Variants in SV2B observed in about 807,000 individuals in gnomAD.
SV2B encodes solute carrier family 22 member B2.
In SV2B, 41 loss-of-function variants were observed where a neutral mutation model predicts 73.9. The ratio of observed to expected loss-of-function variants is 0.56; its 90% CI spans 0.43 to 0.72. The LOEUF is 0.72. Ranked by LOEUF, SV2B falls within the 30% of genes least tolerant of loss-of-function variation. The pLI, the probability that SV2B is intolerant of heterozygous loss-of-function variation, is 0.00. For missense variants in SV2B, 764 were observed against 857.8 expected (o/e 0.89, Z 1.37); for synonymous variants, 314 against 314.2 (o/e 1.00, Z 0.01).
chr15:91,135,702 G>A (rs769232204), intron 1 of SV2B, among the ~76,000 whole-genome samples: 4 of 152,188 alleles, frequency 2.6e-5, no homozygotes, highest in Admixed American at 6.5e-5. Flanking sequence ...TTACTGAGCC[G>A]TTACTGTGTT....
chr15:91,158,637 TTCTCTTCTCTTCTCTTCTC>T (rs1567300372), intron 1 of SV2B, among the ~76,000 whole-genome samples: 1,165 of 38,676 alleles, frequency 0.03, 253 homozygotes, highest in African/African-American at 0.09. Context: ...ATTTTCCCTC[TTCTCTTCTCTTCTCTTCTC>T]TTCTCTTCTC....
At chr15:91,226,817 C>A (rs1158381721) in intron 2 of SV2B, 103 bp downstream of exon 2, 2 of 1,366,706 alleles carry the variant, frequency 1.5e-6, no homozygotes, top group African/African-American at 1.5e-5. Flanking sequence ...CACAATGTAC[C>A]CATTTTGCTG....
intron 1 of SV2B, among the ~76,000 whole-genome samples, chr15:91,198,450 C>CGTGTGTGTGT (rs1225238820): frequency 3.1e-5 from 3 of 97,508 alleles, no homozygotes; most frequent in African/African-American, 4.8e-5. Context: ...CCAAGAAGCA[C>CGTGTGTGTGT]GTGTATGTGT....
chr15:91,133,759 G>GCTT (rs368917491), intron 1 of SV2B, among the ~76,000 whole-genome samples: 1 of 152,198 alleles, frequency 6.6e-6, no homozygotes, highest in African/African-American at 2.4e-5. Flanking sequence ...TTTGACTGGG[G>GCTT]CTTCTTCTGA....
intron 1 of SV2B, among the ~76,000 whole-genome samples, chr15:91,142,786 T>TTAA (rs1266464012): frequency 6.6e-6 from 1 of 152,258 alleles, no homozygotes; most frequent in Non-Finnish European, 1.5e-5. Flanking sequence ...CATTGTATTC[T>TTAA]TAATCACTTA....
rs140531278 is a variant in SV2B, at chr15:91,170,633, G to T, written c.-391-55240G>T. 1.5e-3 allele frequency among the ~76,000 whole-genome samples: 225 copies of T among 152,280 alleles called. 1 individual carries two copies. Among genetic ancestry groups the T allele is most frequent in the African/African-American group, 5.1e-3 (214 of 41,570 alleles). On this transcript the variant is annotated intron_variant, in intron 1 of 12. Transcript: ENST00000394232. ...TTAAAAAGAACATTATACAAACTTG[G>T]TTTAAAAATACATTAAAAATATCTG...
At position 91,276,005 on chromosome 15, in the gene SV2B, T is replaced by G. The variant is rs763184057; in HGVS notation, c.1374-5723T>G. Among the ~76,000 whole-genome samples the G allele has an allele frequency of 2.0e-5, 3 of 152,040 alleles. No individual in the cohort carries two copies. The East Asian group carries it at 5.8e-4, about 29-fold the overall frequency. On this transcript the variant is annotated intron_variant, in intron 9 of 12. Coordinates refer to ENST00000394232, the MANE Select transcript of SV2B (RefSeq NM_001323032.3). ...TCTCAGTATTTGTTTGTCTGATGGA[T>G]CTGTTTCTTCTCTTCAATTTTGAAA...
rs2042855175 is a variant in SV2B, at chr15:91,137,156, A to G, written c.-392+36793A>G. On this transcript the variant is annotated intron_variant, in intron 1 of 12. Coordinates refer to ENST00000394232, the MANE Select transcript of SV2B (RefSeq NM_001323032.3). This position sits in a 1 kb window ranked among gnomAD's most constrained non-coding sequence, Gnocchi z 4.9. ...AGAGGGCCAGGTCACATAACCTCCAAATCCCATGTATTTTTTCATGGTTGT... is the reference window on the plus strand; with the variant it reads ...AGAGGGCCAGGTCACATAACCTCCAGATCCCATGTATTTTTTCATGGTTGT... 3.3e-5 allele frequency among the ~76,000 whole-genome samples: 5 copies of G among 152,216 alleles called. No individual in the cohort carries two copies. The South Asian group carries it at 1.0e-3, about 32-fold the overall frequency.
rs1476288923 is a variant in SV2B at position 91,242,304 on chromosome 15, T to C, written c.452-9515T>C. On this transcript the variant is annotated intron_variant, in intron 2 of 12. Transcript: ENST00000394232. This position sits in a 1 kb window ranked among gnomAD's most constrained non-coding sequence, Gnocchi z 4.9. ...TCTTGTGTATTGCCAGTCACTTCTTTGGGGATCGTGTTTGTTGTCTGCTTT... is the reference window on the plus strand; with the variant it reads ...TCTTGTGTATTGCCAGTCACTTCTTCGGGGATCGTGTTTGTTGTCTGCTTT... Among the ~76,000 whole-genome samples the C allele has an allele frequency of 6.6e-6, 1 of 152,200 alleles. No individual in the cohort carries two copies. Among genetic ancestry groups the C allele is most frequent in the Non-Finnish European group, 1.5e-5 (1 of 68,038 alleles).
intron 1 of SV2B, among the ~76,000 whole-genome samples, chr15:91,165,569 C>T (rs1446243771): frequency 6.6e-6 from 1 of 152,106 alleles, no homozygotes; most frequent in South Asian, 2.1e-4. Flanking sequence ...TTTTGGTATC[C>T]ACGGAGGGTG....
At chr15:91,182,671 G>C (rs1229534925) in intron 1 of SV2B, among the ~76,000 whole-genome samples, 1 of 152,136 alleles carries the variant, frequency 6.6e-6, no homozygotes. Flanking sequence ...AGTCATAGCT[G>C]GAAGAAACTA....
At chr15:91,164,869 G>A (rs1162896829) in intron 1 of SV2B, among the ~76,000 whole-genome samples, 2 of 152,308 alleles carry the variant, frequency 1.3e-5, no homozygotes, top group South Asian at 2.1e-4. Context: ...GTTAAAAGTG[G>A]TTATTTCCGT....
At chr15:91,275,654 G>A (rs1304286456) in intron 9 of SV2B, among the ~76,000 whole-genome samples, 1 of 152,084 alleles carries the variant, frequency 6.6e-6, no homozygotes, top group East Asian at 1.9e-4. Context: ...GTAAAACCTT[G>A]TCTCTACTAA....
intron 1 of SV2B, among the ~76,000 whole-genome samples, chr15:91,158,208 T>C (rs2043556576): frequency 6.6e-6 from 1 of 152,208 alleles, no homozygotes; most frequent in African/African-American, 2.4e-5. Context: ...CCTTGTTGGG[T>C]GTCTTGGTGC....
At chr15:91,160,630 T>A (rs948076267) in intron 1 of SV2B, among the ~76,000 whole-genome samples, 3 of 151,758 alleles carry the variant, frequency 2.0e-5, no homozygotes, top group Non-Finnish European at 1.5e-5. Flanking sequence ...ATAAATAAAA[T>A]AAAAATAAAA....
chr15:91,263,813 C>T (rs2048011439), intron 6 of SV2B, among the ~76,000 whole-genome samples: 1 of 152,222 alleles, frequency 6.6e-6, no homozygotes, highest in Non-Finnish European at 1.5e-5. Context: ...CCTTCTCCTT[C>T]CTTTCTCCGT....
At position 91,268,713 on chromosome 15, in the gene SV2B, C is replaced by CGCCA; in HGVS notation, c.1373+109_1373+112dup. On this transcript the variant is annotated intron_variant, in intron 9 of 12. Transcript: ENST00000394232. This position sits in a 1 kb window ranked among gnomAD's most constrained non-coding sequence, Gnocchi z 4.4. The stretch of plus-strand genomic sequence containing the variant: ...AGAATCAAATATGGCCGGGAATGAG[C>CGCCA]GCCAAGGCTGGTGTCATCATCACAA... The CGCCA allele has an allele frequency of 7.1e-7, 1 of 1,404,952 alleles. No homozygotes were observed. The highest frequency in any genetic ancestry group is 1.4e-5 in the South Asian group (1 of 70,956). The allele number at this position is 1,404,952 out of a possible 1,614,324, so 87.0% of individuals were successfully genotyped here. A position where few individuals can be genotyped will look rare whatever the true frequency, so the allele number is the denominator to read the frequency against.
In SV2B at chr15:91,128,975, C is replaced by T. The variant is rs1465477051; in HGVS notation, c.-392+28612C>T. ...CATTCTGAAGGCTCCCGTGGATACA[C>T]GTCAAATAAAGTTGTATGCCTGCCT... On this transcript the variant is annotated intron_variant, in intron 1 of 12. Transcript: ENST00000394232. This position sits in a 1 kb window ranked among gnomAD's most constrained non-coding sequence, Gnocchi z 4.2. 6.6e-6 allele frequency among the ~76,000 whole-genome samples: 1 copy of T among 152,246 alleles called. No individual in the cohort carries two copies. Among genetic ancestry groups the T allele is most frequent in the African/African-American group, 2.4e-5 (1 of 41,474 alleles).
At chr15:91,104,619 A>G (rs1373140360) in intron 1 of SV2B, among the ~76,000 whole-genome samples, 1 of 152,112 alleles carries the variant, frequency 6.6e-6, no homozygotes, top group Non-Finnish European at 1.5e-5. Flanking sequence ...TCAATCTACC[A>G]TAGGGACCTG....
Sources: gnomAD v4.1 joint callset for allele counts (sites outside exome capture counted in the v4.1 genomes callset) on GRCh38, gnomAD v4.1.1 for gene constraint, Gnocchi (gnomAD v3.1) non-coding constraint, MANE v1.5 for transcripts, NCBI Gene and HGNC (gene_info 2026-07-23, HGNC 2026-07-21) for gene names.